PDE9A: variants seen among roughly 807,000 people sequenced by gnomAD.
The protein encoded by PDE9A is phosphodiesterase 9A, also known as high affinity cGMP-specific 3',5'-cyclic phosphodiesterase 9A.
A neutral mutation model predicts 87.4 loss-of-function variants in PDE9A; 60 were observed. The observed-to-expected ratio is 0.69, with a 90% confidence interval of 0.56 to 0.85. The LOEUF (loss-of-function observed/expected upper bound fraction) is 0.85. Ranked by LOEUF, PDE9A falls within the 40% of genes least tolerant of loss-of-function variation. The probability of loss-of-function intolerance (pLI) is 0.00; values close to 1 mark genes in which losing one functional copy is unlikely to be tolerated. For missense variants in PDE9A, 665 were observed against 779.0 expected, an observed-to-expected ratio of 0.85 and a Z score of 1.74; for synonymous variants, 272 against 279.4, an observed-to-expected ratio of 0.97 and a Z score of 0.27.
intron 3 of PDE9A, 35 bp from the exon 4 acceptor site, chr21:42,698,933 A>C: frequency 6.4e-7 from 1 of 1,566,190 alleles, no homozygotes; most frequent in South Asian, 1.1e-5. Context: ...AGCGCCTTGC[A>C]GAGTCTCACA....
intron 4 of PDE9A, among the ~76,000 whole-genome samples, chr21:42,729,401 TG>T (rs771594585): frequency 3.3e-5 from 5 of 152,246 alleles, no homozygotes; most frequent in Non-Finnish European, 7.3e-5. Flanking sequence ...TTGTCAGTCT[TG>T]CTAGAAGTTT....
intron 1 of PDE9A, among the ~76,000 whole-genome samples, chr21:42,662,511 G>A (rs577131335): frequency 2.1e-5 from 3 of 143,600 alleles, no homozygotes; most frequent in African/African-American, 5.2e-5. Context: ...TCACACACAC[G>A]CACACACCAT....
At chr21:42,748,491 A>G (rs1364551086) in intron 8 of PDE9A, among the ~76,000 whole-genome samples, 1 of 152,246 alleles carries the variant, frequency 6.6e-6, no homozygotes, top group East Asian at 1.9e-4. Context: ...TGCCGAGAAA[A>G]TAACACCGAA....
chr21:42,685,728 A>C (rs576226146), intron 1 of PDE9A, among the ~76,000 whole-genome samples: 2 of 151,738 alleles, frequency 1.3e-5, no homozygotes, highest in South Asian at 2.1e-4. Context: ...TCTGCCTCCC[A>C]AAGTGCTGGG....
intron 4 of PDE9A, chr21:42,701,318 G>A (rs1231127684): frequency 6.6e-6 from 1 of 151,888 alleles, no homozygotes. Flanking sequence ...ATTAGGTCTA[G>A]TACCTTTTTG....
chr21:42,768,536 T>C, intron 16 of PDE9A: 4 of 1,302,316 alleles, frequency 3.1e-6, no homozygotes, highest in Non-Finnish European at 3.9e-6. Context: ...TCACTGCTAA[T>C]TGAGCCATTA....
chr21:42,699,701 G>A (rs772119906), intron 4 of PDE9A, among the ~76,000 whole-genome samples: 5 of 151,886 alleles, frequency 3.3e-5, no homozygotes, highest in South Asian at 4.2e-4. Context: ...GATTACAGGC[G>A]TGCACCACCA....
At chr21:42,769,739 C>T (rs946708776) in intron 17 of PDE9A, among the ~76,000 whole-genome samples, 4 of 63,770 alleles carry the variant, frequency 6.3e-5, no homozygotes, top group African/African-American at 1.9e-4. Context: ...TACAGAGGCA[C>T]ACACATGCAC....
chr21:42,751,282 CTGTG>C, intron 9 of PDE9A, 85 bp downstream of exon 9: 2 of 973,934 alleles, frequency 2.1e-6, no homozygotes, highest in East Asian at 4.8e-5. Flanking sequence ...CCAGACCCTG[CTGTG>C]TGTACGTTCA....
chr21:42,676,836 G>A (rs2058869177), intron 1 of PDE9A, among the ~76,000 whole-genome samples: 1 of 152,214 alleles, frequency 6.6e-6, no homozygotes, highest in Admixed American at 6.5e-5. Context: ...ATGTCAGTTT[G>A]ACGTTTATAA....
chr21:42,665,445 C>G (rs2057900982), intron 1 of PDE9A, among the ~76,000 whole-genome samples: 1 of 152,148 alleles, frequency 6.6e-6, no homozygotes, highest in Admixed American at 6.5e-5. Context: ...CTCCCCCACC[C>G]AGAGACCCCT....
At chr21:42,717,150 C>T (rs1220703311) in intron 4 of PDE9A, among the ~76,000 whole-genome samples, 3 of 151,466 alleles carry the variant, frequency 2.0e-5, no homozygotes, top group African/African-American at 7.3e-5. Context: ...ATATATTTGC[C>T]ATTTCTGATG....
At position 42,770,710 on chromosome 21, in the gene PDE9A, C is replaced by T. The variant is rs1012855713; in HGVS notation, c.1598C>T (p.Pro533Leu). 1 of 1,612,940 alleles carries T rather than the reference C, an allele frequency of 6.2e-7. No homozygotes were observed. Among genetic ancestry groups the T allele is most frequent in the South Asian group, 1.1e-5 (1 of 91,044 alleles). ...PMFETVTKLF[P>L]MVEEIMLQPL... ...TCCGTGTGTCTCTCCCAGCTCTTCC[C>T]CATGGTTGAGGAGATCATGCTGCAG... Residue 533 changes from proline to leucine, a missense_variant, in exon 18 of 20, where the codon CCC becomes CTC. By Grantham distance (98) the Pro-to-Leu change is moderately conservative. Coordinates refer to ENST00000291539, the MANE Select transcript of PDE9A (RefSeq NM_002606.3).
Position 42,702,945 on chromosome 21 carries a change from G to A in PDE9A, c.262+3934G>A, listed in dbSNP as rs866905091. ...TTGTGTTTTAAATCTTGCTCAGGGCGCTGGGTCGAGATCACGAAAGGGAAG... is the reference window on the plus strand; with the variant it reads ...TTGTGTTTTAAATCTTGCTCAGGGCACTGGGTCGAGATCACGAAAGGGAAG... On this transcript the variant is annotated intron_variant, in intron 4 of 19. Coordinates refer to ENST00000291539, the MANE Select transcript of PDE9A (RefSeq NM_002606.3). The surrounding 1 kb of genome is among the most constrained non-coding windows in gnomAD (Gnocchi z 4.9). Among the ~76,000 whole-genome samples, 5 of 152,244 alleles carry A rather than the reference G, an allele frequency of 3.3e-5. No individual in the cohort carries two copies. The highest frequency in any genetic ancestry group is 1.9e-4 in the East Asian group (1 of 5,194).
chr21:42,662,967 C>T (rs1302040704), intron 1 of PDE9A, among the ~76,000 whole-genome samples: 3 of 143,810 alleles, frequency 2.1e-5, no homozygotes, highest in Non-Finnish European at 4.6e-5. Flanking sequence ...ATGCACACGC[C>T]ACGCGCCTCA....
rs1336692865 is a variant in PDE9A, at chr21:42,682,771, G to A, written c.70-3421G>A. Among the ~76,000 whole-genome samples the A allele has an allele frequency of 5.9e-5, 9 of 152,260 alleles. No homozygotes were observed. In the Middle Eastern group the frequency reaches 0.01, roughly 173 times the overall value. ...GCATGGACGTTGCACAGTCACCCTC[G>A]GCCCCTCAAGAGCGGTCACAGCCCA... On this transcript the variant is annotated intron_variant, in intron 1 of 19. Coordinates refer to ENST00000291539, the MANE Select transcript of PDE9A (RefSeq NM_002606.3).
intron 6 of PDE9A, among the ~76,000 whole-genome samples, chr21:42,732,791 G>A (rs1252399361): frequency 6.6e-6 from 1 of 152,184 alleles, no homozygotes; most frequent in South Asian, 2.1e-4. Flanking sequence ...GCACATGCCT[G>A]TAATCCCAGC....
At chr21:42,742,006 A>T (rs776199625) in intron 7 of PDE9A, among the ~76,000 whole-genome samples, 5 of 152,212 alleles carry the variant, frequency 3.3e-5, no homozygotes, top group African/African-American at 7.2e-5. Flanking sequence ...CAATTGGTTT[A>T]TGAACCAACT....
intron 4 of PDE9A, among the ~76,000 whole-genome samples, chr21:42,726,941 TG>T (rs2051183315): frequency 6.6e-6 from 1 of 151,790 alleles, no homozygotes; most frequent in Non-Finnish European, 1.5e-5. Context: ...CTCACAGTCT[TG>T]ATTACCGAAA....
Sources: allele counts gnomAD v4.1 joint callset (sites outside exome capture counted in the v4.1 genomes callset), GRCh38; gene constraint gnomAD v4.1.1; non-coding constraint Gnocchi (gnomAD v3.1); transcripts MANE v1.5; gene names NCBI Gene and HGNC (gene_info 2026-07-23, HGNC 2026-07-21).